The following LOC128092252 variants were observed in gnomAD, a reference collection of about 807,000 sequenced individuals.
chr15:50,663,110 TC>T, the LOC128092252 span: 5 of 1,291,014 alleles, frequency 3.9e-6, no homozygotes, highest in African/African-American at 3.0e-5. Context: ...GGAAACAATT[TC>T]ATGATAAACA....
the LOC128092252 span, among the ~76,000 whole-genome samples, chr15:50,684,175 C>CA: frequency 1.4e-5 from 2 of 147,242 alleles, no homozygotes; most frequent in African/African-American, 2.5e-5. Flanking sequence ...TTTTCTGAGA[C>CA]AGAGTCTCAC....
At chr15:50,682,471 G>C in the LOC128092252 span, among the ~76,000 whole-genome samples, 1 of 151,782 alleles carries the variant, frequency 6.6e-6, no homozygotes, top group African/African-American at 2.4e-5. Context: ...CCAGCTACTA[G>C]AGGCTGAGGC....
chr15:50,683,051 GTTTT>G, the LOC128092252 span, among the ~76,000 whole-genome samples: 1 of 151,468 alleles, frequency 6.6e-6, no homozygotes, highest in Non-Finnish European at 1.5e-5. Flanking sequence ...CCCAGCTAAT[GTTTT>G]TTTATTTTTT....
chr15:50,664,515 A>G, the LOC128092252 span, among the ~76,000 whole-genome samples: 1 of 152,164 alleles, frequency 6.6e-6, no homozygotes, highest in South Asian at 2.1e-4. Flanking sequence ...GTTATTACAA[A>G]CGTTAAATCT....
chr15:50,653,860 G>A, the LOC128092252 span, among the ~76,000 whole-genome samples: 5 of 152,164 alleles, frequency 3.3e-5, no homozygotes, highest in Non-Finnish European at 5.9e-5. Context: ...CTTGCTGTGT[G>A]TGGGTCTGTG....
chr15:50,664,308 CAAA>C, the LOC128092252 span, among the ~76,000 whole-genome samples: 2 of 58,920 alleles, frequency 3.4e-5, no homozygotes, highest in African/African-American at 1.2e-4. Flanking sequence ...GACTCCGTCT[CAAA>C]AAAAAAAAAA....
the LOC128092252 span, among the ~76,000 whole-genome samples, chr15:50,681,349 T>C: frequency 1.3e-5 from 2 of 151,772 alleles, no homozygotes; most frequent in South Asian, 4.1e-4. Context: ...AATGCAAAAA[T>C]GTGCCTAAAG....
chr15:50,661,966 C>T, the LOC128092252 span, among the ~76,000 whole-genome samples: 16 of 152,036 alleles, frequency 1.1e-4, no homozygotes, highest in Non-Finnish European at 2.4e-4. Flanking sequence ...ACCTGTAATC[C>T]CAGCACTCTG....
chr15:50,657,080 T>G, the LOC128092252 span, among the ~76,000 whole-genome samples: 2 of 152,112 alleles, frequency 1.3e-5, no homozygotes, highest in African/African-American at 4.8e-5. Context: ...TCCTAGCACT[T>G]TGGGAGGCCG....
At chr15:50,675,518 T>C in the LOC128092252 span, among the ~76,000 whole-genome samples, 3 of 152,148 alleles carry the variant, frequency 2.0e-5, no homozygotes, top group Non-Finnish European at 4.4e-5. Context: ...AGGAATCGGC[T>C]TCACAAATCC....
the LOC128092252 span, chr15:50,657,875 A>G: frequency 7.0e-7 from 1 of 1,433,204 alleles, no homozygotes; most frequent in Non-Finnish European, 9.7e-7. Flanking sequence ...TTCTGATTTT[A>G]AAGTATATAA....
chr15:50,657,670 T>C, the LOC128092252 span: 1 of 945,302 alleles, frequency 1.1e-6, no homozygotes, highest in Non-Finnish European at 1.6e-6. Flanking sequence ...AAAGTACCCA[T>C]CAAATATAAT....
chr15:50,674,953 T>G, the LOC128092252 span, among the ~76,000 whole-genome samples: 2 of 152,170 alleles, frequency 1.3e-5, no homozygotes, highest in African/African-American at 4.8e-5. Context: ...AGCAAACAAT[T>G]TGCTAAAAGT....
the LOC128092252 span, among the ~76,000 whole-genome samples, chr15:50,677,621 C>A: frequency 2.6e-5 from 4 of 151,574 alleles, no homozygotes; most frequent in African/African-American, 9.7e-5. Context: ...CGCCTGTAAT[C>A]CCGGCTACTC....
the LOC128092252 span, among the ~76,000 whole-genome samples, chr15:50,681,107 C>T: frequency 6.6e-6 from 1 of 151,952 alleles, no homozygotes; most frequent in Non-Finnish European, 1.5e-5. Flanking sequence ...AAAAATTAGC[C>T]GGGCATGGTA....
At chr15:50,680,099 T>A in the LOC128092252 span, among the ~76,000 whole-genome samples, 1 of 151,882 alleles carries the variant, frequency 6.6e-6, no homozygotes, top group East Asian at 1.9e-4. Context: ...CTGGGCATGG[T>A]GGCGGGTGCC....
chr15:50,652,525 CAAAA>C, the LOC128092252 span, among the ~76,000 whole-genome samples: 1 of 128,082 alleles, frequency 7.8e-6, no homozygotes, highest in Non-Finnish European at 1.6e-5. Context: ...GACTCTGTCT[CAAAA>C]AAAAAAAAAA....
the LOC128092252 span, among the ~76,000 whole-genome samples, chr15:50,674,711 G>C: frequency 6.6e-6 from 1 of 152,066 alleles, no homozygotes; most frequent in Non-Finnish European, 1.5e-5. Flanking sequence ...AGCATTTCTT[G>C]TAACACAGGT....
At chr15:50,677,696 G>T in the LOC128092252 span, among the ~76,000 whole-genome samples, 1 of 128,544 alleles carries the variant, frequency 7.8e-6, no homozygotes, top group South Asian at 2.5e-4. Context: ...CTGAGATCAC[G>T]CCACTGCACT....
Sources: allele counts gnomAD v4.1 joint callset (sites outside exome capture counted in the v4.1 genomes callset), GRCh38; gene constraint gnomAD v4.1.1; transcripts MANE v1.5.